Variants in NEDD4 observed in about 807,000 individuals in gnomAD.
NEDD4 encodes E3 ubiquitin-protein ligase NEDD4.
In NEDD4, 99 loss-of-function variants were observed where a neutral mutation model predicts 144.9. The observed-to-expected ratio is 0.68, with a 90% CI of 0.58 to 0.81. NEDD4 has a LOEUF of 0.81. Among genes scored for constraint, NEDD4 ranks in the 30% least tolerant of loss-of-function variants. The pLI is 0.00. For missense variants in NEDD4, 985 were observed against 1,065.9 expected (o/e 0.92, Z 1.06); for synonymous variants, 318 against 350.6 (o/e 0.91, Z 1.04).
At chr15:55,915,442 G>C (rs771459099) in intron 5 of NEDD4, 1 of 1,613,776 alleles carries the variant, frequency 6.2e-7, no homozygotes, top group Admixed American at 1.7e-5. Flanking sequence ...GAAATATTTG[G>C]ATAAGCTCCT....
intron 1 of NEDD4, among the ~76,000 whole-genome samples, chr15:55,984,476 G>C (rs761592561): frequency 7.9e-5 from 12 of 152,298 alleles, no homozygotes; most frequent in Middle Eastern, 6.8e-3. Context: ...TGGGTATTCA[G>C]TTAAAGGCAG....
At chr15:55,983,792 G>A (rs1456301790) in intron 1 of NEDD4, among the ~76,000 whole-genome samples, 1 of 151,750 alleles carries the variant, frequency 6.6e-6, no homozygotes, top group Non-Finnish European at 1.5e-5. Context: ...TGTATTTTTG[G>A]TAGAGACAGG....
intron 4 of NEDD4, among the ~76,000 whole-genome samples, chr15:55,943,498 G>A (rs1411043838): frequency 1.3e-5 from 2 of 152,164 alleles, no homozygotes; most frequent in Non-Finnish European, 2.9e-5. Context: ...GCCCAGATAT[G>A]TCTCAGGCCG....
intron 26 of NEDD4, among the ~76,000 whole-genome samples, chr15:55,833,737 G>A (rs1167230222): frequency 1.3e-5 from 2 of 152,096 alleles, no homozygotes; most frequent in Non-Finnish European, 2.9e-5. Context: ...CCACCCAGGA[G>A]TCCCTAGGAA....
intron 6 of NEDD4, among the ~76,000 whole-genome samples, chr15:55,873,238 T>C (rs2034868393): frequency 6.6e-6 from 1 of 152,154 alleles, no homozygotes; most frequent in African/African-American, 2.4e-5. Context: ...GAGAGCCCAT[T>C]ATTCTCAGAG....
chr15:55,864,339 A>G (rs2034510309), intron 8 of NEDD4, among the ~76,000 whole-genome samples: 1 of 152,128 alleles, frequency 6.6e-6, no homozygotes, highest in Non-Finnish European at 1.5e-5. Flanking sequence ...ATTCTTCCCA[A>G]GTTAATCTAT....
rs1042348414 is a variant in NEDD4 at position 55,902,988 on chromosome 15, G to A, written c.291+21658C>T. 4.6e-5 allele frequency among the ~76,000 whole-genome samples: 7 copies of A among 152,028 alleles called. No individual in the cohort carries two copies. In the East Asian group the frequency reaches 1.4e-3, roughly 29 times the overall value. On this transcript the variant is annotated intron_variant, in intron 5 of 28. Transcript: ENST00000435532. The stretch of plus-strand genomic sequence containing the variant: ...TGCATTCCAGCCTGGGTGACAGAGC[G>A]AGACTCCATCTCAAATAAAAAATAA...
intron 4 of NEDD4, among the ~76,000 whole-genome samples, chr15:55,939,999 A>G (rs1041708034): frequency 2.0e-5 from 3 of 152,342 alleles, no homozygotes; most frequent in Admixed American, 6.5e-5. Flanking sequence ...AGAAAATGTG[A>G]CATATACATA....
intron 1 of NEDD4, chr15:55,987,194 G>GTT (rs1419767553): frequency 1.3e-5 from 1 of 78,784 alleles, no homozygotes; most frequent in East Asian, 3.4e-4. Flanking sequence ...TCTCATAGTG[G>GTT]TTTTGATTTG....
chr15:55,924,592 C>G (rs1393200768), intron 5 of NEDD4, 54 bp downstream of exon 5: 13 of 1,490,836 alleles, frequency 8.7e-6, no homozygotes, highest in Non-Finnish European at 1.2e-5. Flanking sequence ...CCCCTGGCTG[C>G]TCCACTGAAA....
At chr15:55,865,757 C>T (rs1245517920) in intron 8 of NEDD4, among the ~76,000 whole-genome samples, 2 of 151,618 alleles carry the variant, frequency 1.3e-5, no homozygotes, top group African/African-American at 4.9e-5. Context: ...AACGAGGCCT[C>T]AGGGAAAAGA....
At chr15:55,856,689 G>T (rs1050102404) in intron 11 of NEDD4, among the ~76,000 whole-genome samples, 1 of 152,136 alleles carries the variant, frequency 6.6e-6, no homozygotes, top group Non-Finnish European at 1.5e-5. Context: ...AGAAAACAAT[G>T]CTTCCTGAAC....
intron 2 of NEDD4, among the ~76,000 whole-genome samples, chr15:55,965,319 A>C (rs1278681960): frequency 6.6e-6 from 1 of 151,944 alleles, no homozygotes; most frequent in Non-Finnish European, 1.5e-5. Context: ...CTCCTGACTC[A>C]GTCACCCATG....
intron 11 of NEDD4, 86 bp downstream of exon 11, chr15:55,860,321 A>T: frequency 7.2e-7 from 1 of 1,380,090 alleles, no homozygotes; most frequent in Non-Finnish European, 9.9e-7. Context: ...TTTAAGACAA[A>T]ATTTTACATA....
In NEDD4 at chr15:55,834,301, T is replaced by C. The variant is rs113867444; in HGVS notation, c.2263-15A>G. 2.2e-5 allele frequency: 34 copies of C among 1,580,172 alleles called. 2 individuals carry two copies. Among genetic ancestry groups the C allele is most frequent in the African/African-American group, 1.9e-4 (14 of 74,212 alleles). ...TCAAAGAATCCCTAGAAAAAAGATGTATTTAAAAACTTGATGGGCAGGGCC... is the reference window on the plus strand; with the variant it reads ...TCAAAGAATCCCTAGAAAAAAGATGCATTTAAAAACTTGATGGGCAGGGCC... On this transcript the variant is annotated splice_polypyrimidine_tract_variant and intron_variant, in intron 24 of 28. Coordinates refer to ENST00000435532, the MANE Select transcript of NEDD4 (RefSeq NM_006154.4).
At chr15:55,944,571 C>A (rs905356253) in intron 4 of NEDD4, among the ~76,000 whole-genome samples, 6 of 152,212 alleles carry the variant, frequency 3.9e-5, no homozygotes, top group Admixed American at 3.3e-4. Context: ...CATAGCTGAA[C>A]AAAATGCAGC....
At chr15:55,867,873 T>C (rs1410122841) in intron 8 of NEDD4, among the ~76,000 whole-genome samples, 1 of 152,122 alleles carries the variant, frequency 6.6e-6, no homozygotes, top group Non-Finnish European at 1.5e-5. Flanking sequence ...CTGGCCAACA[T>C]AGTAAAACTC....
intron 5 of NEDD4, among the ~76,000 whole-genome samples, chr15:55,909,368 C>T (rs1220359755): frequency 1.3e-5 from 2 of 152,178 alleles, no homozygotes; most frequent in Admixed American, 6.6e-5. Flanking sequence ...CCCAAAACAT[C>T]TCATTGAACT....
intron 2 of NEDD4, among the ~76,000 whole-genome samples, chr15:55,957,261 C>T (rs1204924517): frequency 2.6e-5 from 4 of 152,110 alleles, no homozygotes; most frequent in Non-Finnish European, 4.4e-5. Flanking sequence ...AGTTTTACTT[C>T]TTCCTTTTTG....
Sources: gnomAD v4.1 joint callset for allele counts (sites outside exome capture counted in the v4.1 genomes callset) on GRCh38, gnomAD v4.1.1 for gene constraint, MANE v1.5 for transcripts, NCBI Gene and HGNC (gene_info 2026-07-23, HGNC 2026-07-21) for gene names.